The following NAT10 variants were observed in gnomAD, a reference collection of about 807,000 sequenced individuals.
NAT10 encodes N-acetyltransferase 10, also known as RNA cytidine acetyltransferase.
A neutral mutation model predicts 132.2 loss-of-function variants in NAT10; 109 were observed. That is an observed-to-expected ratio of 0.82 (90% CI 0.71 to 0.97). The LOEUF is 0.97. Among genes scored for constraint, NAT10 ranks in the 50% least tolerant of loss-of-function variants. The pLI is 0.00. For synonymous variants in NAT10, 479 were observed against 478.0 expected, an observed-to-expected ratio of 1.00 and a Z score of -0.03; for missense variants, 1,184 against 1,263.4, an observed-to-expected ratio of 0.94 and a Z score of 0.95.
intron 12 of NAT10, among the ~76,000 whole-genome samples, chr11:34,129,906 G>T (rs545459171): frequency 1.3e-5 from 2 of 152,146 alleles, no homozygotes; most frequent in South Asian, 4.1e-4. Flanking sequence ...ACCATGCCCG[G>T]CCACTTTCTT....
rs1179435165 is a variant in NAT10, at chr11:34,131,365, T to A, written c.1370-16T>A. Reference sequence around the variant, plus strand: ...ATCATTGTTTCTTCTTTTGTGTGTGTGATTGTGGGGAGCAGCGCGGACACT... The same window carrying A: ...ATCATTGTTTCTTCTTTTGTGTGTGAGATTGTGGGGAGCAGCGCGGACACT... On this transcript the variant is annotated splice_polypyrimidine_tract_variant and intron_variant, in intron 13 of 28. Transcript: ENST00000257829. 1.8e-5 allele frequency: 29 copies of A among 1,593,752 alleles called. No individual in the cohort carries two copies. The highest frequency in any genetic ancestry group is 2.4e-5 in the Non-Finnish European group (28 of 1,169,146).
At chr11:34,145,000 C>G (rs73500475) in intron 28 of NAT10, among the ~76,000 whole-genome samples, 3,281 of 152,336 alleles carry the variant, frequency 0.022, 143 homozygotes, top group African/African-American at 0.075. Flanking sequence ...GCCTCATTTC[C>G]CAGATGCTTT....
At chr11:34,121,877 A>C (rs1231980376) in intron 8 of NAT10, among the ~76,000 whole-genome samples, 1 of 147,310 alleles carries the variant, frequency 6.8e-6, no homozygotes, top group African/African-American at 2.5e-5. Flanking sequence ...AAAAAAAAAA[A>C]AAAAAGGTCT....
intron 2 of NAT10, 125 bp from the exon 3 acceptor site, chr11:34,108,617 A>G (rs73501064): frequency 0.089 from 80,679 of 904,862 alleles, 4,122 homozygotes; most frequent in African/African-American, 0.15. Context: ...CTCGCCTTAG[A>G]ACCTTGGGCA....
chr11:34,140,578 C>T lies in NAT10; in HGVS notation c.2592+6C>T. On this transcript the variant is annotated splice_donor_region_variant and intron_variant, in intron 24 of 28. Transcript: ENST00000257829. ...CCCTGTCTGCGGCTCAGTCGGTATGCTATCTGTTGCTTGCGTGGAGGAGAA... is the reference window on the plus strand; with the variant it reads ...CCCTGTCTGCGGCTCAGTCGGTATGTTATCTGTTGCTTGCGTGGAGGAGAA... The T allele has an allele frequency of 6.2e-6, 10 of 1,611,250 alleles. No homozygotes were observed. The highest frequency in any genetic ancestry group is 8.5e-6 in the Non-Finnish European group (10 of 1,177,632).
At chr11:34,130,708 A>G in intron 12 of NAT10, 105 bp from the exon 13 acceptor site, 5 of 1,386,350 alleles carry the variant, frequency 3.6e-6, no homozygotes, top group Non-Finnish European at 5.0e-6. Flanking sequence ...TCCTGGGGGA[A>G]GCAGGGGTCT....
At chr11:34,142,445 A>G in intron 27 of NAT10, 97 bp downstream of exon 27, 3 of 1,043,704 alleles carry the variant, frequency 2.9e-6, no homozygotes, top group South Asian at 1.4e-5. Context: ...TGCCCTGGAA[A>G]GTGTCTTTCA....
Position 34,130,913 on chromosome 11 carries a change from A to G in NAT10, c.1345A>G (p.Thr449Ala). Residue 449 changes from threonine (T) to alanine (A), a missense_variant, in exon 13 of 29, where the codon ACG becomes GCG. Transcript: ENST00000257829. ...CAGCACCACTGCTGAGAATAAGACC[A>G]CGACGACAGCCAGATTGGCATCAGG... ...QVSTTAENKTTTTARLASART... is the reference protein window; with the variant it reads ...QVSTTAENKTATTARLASART... 7 of 1,614,102 alleles carry G rather than the reference A, an allele frequency of 4.3e-6. No individual in the cohort carries two copies. Among genetic ancestry groups the G allele is most frequent in the Non-Finnish European group, 5.9e-6 (7 of 1,179,966 alleles).
At position 34,133,138 on chromosome 11, in the gene NAT10, T is replaced by C. The variant is rs753761149; in HGVS notation, c.1730T>C (p.Ile577Thr). 1.9e-6 allele frequency: 3 copies of C among 1,610,890 alleles called. No individual in the cohort carries two copies. The highest frequency in any genetic ancestry group is 2.2e-5 in the East Asian group (1 of 44,874). ...QNALPEVLAV[I>T]QVCLEGEISR... ...GCCCTTCCAGAAGTGCTTGCTGTTA[T>C]CCAGGTATAGGAGCAGAGGCGTCCT... Residue 577 changes from isoleucine (I) to threonine (T), a missense_variant, in exon 16 of 29, where the codon ATC (isoleucine) becomes ACC (threonine). Ile to Thr is a moderately conservative substitution (Grantham distance 89). Transcript: ENST00000257829.
intron 15 of NAT10, among the ~76,000 whole-genome samples, 155 bp downstream of exon 15, chr11:34,132,376 T>C (rs923126025): frequency 1.3e-5 from 2 of 152,222 alleles, no homozygotes; most frequent in Non-Finnish European, 2.9e-5. Context: ...TGTGTAGGTA[T>C]AGAGCATGTA....
intron 5 of NAT10, 92 bp downstream of exon 5, chr11:34,113,930 C>G: frequency 6.7e-7 from 1 of 1,488,564 alleles, no homozygotes; most frequent in Non-Finnish European, 9.2e-7. Flanking sequence ...TGTTGGGCAG[C>G]TCCAGTGAGT....
chr11:34,140,437 CT>C lies in NAT10; in HGVS notation c.2458del (p.Tyr820MetfsTer3). On this transcript the variant is annotated frameshift_variant, in exon 24 of 29. Coordinates refer to ENST00000257829, the MANE Select transcript of NAT10 (RefSeq NM_024662.3). LOFTEE classifies it high-confidence loss of function. ...AGGAGCTGGAAGCACTCTTCCTCCCCTATGACCTGAAGCGGCTGGAGATGTA... is the reference window on the plus strand; with the variant it reads ...AGGAGCTGGAAGCACTCTTCCTCCCCATGACCTGAAGCGGCTGGAGATGTA... ...REELEALFLP[Y>X]DLKRLEMYSR... 6.2e-7 allele frequency: 1 copy of C among 1,614,162 alleles called. No homozygotes were observed. The highest frequency in any genetic ancestry group is 8.5e-7 in the Non-Finnish European group (1 of 1,180,004).
intron 12 of NAT10, among the ~76,000 whole-genome samples, chr11:34,129,117 AT>A (rs968937074): frequency 8.6e-5 from 13 of 152,042 alleles, no homozygotes; most frequent in African/African-American, 3.1e-4. Flanking sequence ...TAGCGTGCAG[AT>A]TTTTGCGTGG....
rs1565105022 is a variant in NAT10, at chr11:34,108,326, A to G, written c.101A>G (p.Lys34Arg). 3 of 1,612,902 alleles carry G rather than the reference A, an allele frequency of 1.9e-6. No individual in the cohort carries two copies. The highest frequency in any genetic ancestry group is 2.5e-6 in the Non-Finnish European group (3 of 1,178,842). ...TTTGTTGTAGTTGGGGATCGAGGAA[A>G]AGATCAGGTATGGCCTGGTAAATGC... ...SLFVVVGDRG[K>R]DQVVILHHML... The change falls in exon 2 of 29, where the codon AAA (lysine) becomes AGA (arginine). Residue 34 changes from lysine to arginine, a missense_variant. Physicochemically the swap from Lys to Arg is conservative, Grantham distance 26. Coordinates refer to ENST00000257829, the MANE Select transcript of NAT10 (RefSeq NM_024662.3).
At chr11:34,135,819 C>T (rs946865307) in intron 19 of NAT10, among the ~76,000 whole-genome samples, 32 of 151,992 alleles carry the variant, frequency 2.1e-4, no homozygotes, top group Admixed American at 1.5e-3. Context: ...AAAAATTAGC[C>T]GAGCATGGTG....
intron 21 of NAT10, 184 bp from the exon 22 acceptor site, chr11:34,139,007 T>C: frequency 1.7e-6 from 1 of 585,376 alleles, no homozygotes; most frequent in Non-Finnish European, 3.1e-6. Context: ...GTGTGTGAAC[T>C]GAGGTGATAT....
At position 34,127,494 on chromosome 11, in the gene NAT10, G is replaced by A; in HGVS notation, c.1139G>A (p.Gly380Asp). The part of the protein sequence containing the change: ...YIHPADAVKL[G>D]QAELVVIDEA... Reference sequence around the variant, plus strand: ...CATCCTGCAGATGCTGTGAAGCTGGGCCAGGCTGAACTAGTTGTGATTGAT... The same window carrying A: ...CATCCTGCAGATGCTGTGAAGCTGGACCAGGCTGAACTAGTTGTGATTGAT... Residue 380 changes from glycine to aspartate, a missense_variant, in exon 12 of 29, where the codon GGC becomes GAC. Gly to Asp is a moderately conservative substitution (Grantham distance 94). Coordinates refer to ENST00000257829, the MANE Select transcript of NAT10 (RefSeq NM_024662.3). 2 of 1,613,988 alleles carry A rather than the reference G, an allele frequency of 1.2e-6. No individual in the cohort carries two copies. The highest frequency in any genetic ancestry group is 1.7e-6 in the Non-Finnish European group (2 of 1,179,850).
chr11:34,127,678 G>A (rs1173692939), intron 12 of NAT10, 79 bp downstream of exon 12: 57 of 1,504,274 alleles, frequency 3.8e-5, no homozygotes, highest in Non-Finnish European at 5.0e-5. Flanking sequence ...ATGTGGCCTG[G>A]GCCTGGACAG....
At chr11:34,122,244 G>A (rs1158349480) in intron 8 of NAT10, among the ~76,000 whole-genome samples, 1 of 152,168 alleles carries the variant, frequency 6.6e-6, no homozygotes, top group Non-Finnish European at 1.5e-5. Context: ...TGAGTTATCA[G>A]CATCTATTAA....
Sources: gnomAD v4.1 joint callset for allele counts (sites outside exome capture counted in the v4.1 genomes callset) on GRCh38, gnomAD v4.1.1 for gene constraint, MANE v1.5 for transcripts, NCBI Gene and HGNC (gene_info 2026-07-23, HGNC 2026-07-21) for gene names.